DMD: variants seen among roughly 807,000 people sequenced by gnomAD.
DMD encodes the protein dystrophin.
A neutral mutation model predicts 330.1 loss-of-function variants in DMD; 63 were observed. That is an observed-to-expected ratio of 0.19 (90% CI 0.16 to 0.24). DMD has a LOEUF of 0.24. Among genes scored for constraint, DMD ranks in the 10% least tolerant of loss-of-function variants. The pLI, the probability that DMD is intolerant of heterozygous loss-of-function variation, is 1.00. For missense variants in DMD, 3,344 were observed against 2,684.1 expected, an observed-to-expected ratio of 1.25 and a Z score of -5.43; for synonymous variants, 1,223 against 959.8, an observed-to-expected ratio of 1.27 and a Z score of -5.07.
At chrX:31,158,509 G>A (rs2038423984) in intron 74 of DMD, among the ~76,000 whole-genome samples, 1 of 110,978 alleles carries the variant, frequency 9.0e-6, no homozygotes, top group African/African-American at 3.3e-5. Context: ...TTCTTTTGGG[G>A]GGTGATAAAA....
At chrX:31,233,961 G>A (rs959475629) in intron 63 of DMD, among the ~76,000 whole-genome samples, 1 of 111,645 alleles carries the variant, frequency 9.0e-6, no homozygotes, top group African/African-American at 3.3e-5. Flanking sequence ...TGAATGATAC[G>A]CCATTAGTTA....
At chrX:33,219,166 A>G (rs1042982330) in intron 1 of DMD, among the ~76,000 whole-genome samples, 1 of 109,918 alleles carries the variant, frequency 9.1e-6, no homozygotes, top group African/African-American at 3.3e-5. Flanking sequence ...CAGACTCTGG[A>G]TCTTATTTAA....
chrX:32,088,211 C>T (rs1385807694), intron 44 of DMD, among the ~76,000 whole-genome samples: 2 of 111,839 alleles, frequency 1.8e-5, no homozygotes, highest in Non-Finnish European at 3.8e-5. Flanking sequence ...GAGCTTTATG[C>T]ATATCAGGCA....
At chrX:31,181,410 C>G (rs1228704908) in intron 68 of DMD, among the ~76,000 whole-genome samples, 1 of 111,305 alleles carries the variant, frequency 9.0e-6, no homozygotes, top group Non-Finnish European at 1.9e-5. Flanking sequence ...AGTGCTCTTT[C>G]AGATCCTCCA....
chrX:33,101,162 A>T (rs1486654931), intron 1 of DMD, among the ~76,000 whole-genome samples: 1 of 112,519 alleles, frequency 8.9e-6, no homozygotes, highest in Non-Finnish European at 1.9e-5. Context: ...TCCTAAGCAT[A>T]TTAAAGAGGC....
At chrX:33,159,954 T>C (rs2048694030) in intron 1 of DMD, among the ~76,000 whole-genome samples, 1 of 111,686 alleles carries the variant, frequency 9.0e-6, no homozygotes, top group African/African-American at 3.3e-5. Flanking sequence ...CAATCCCCGA[T>C]TTACAATGGT....
At chrX:31,123,999 T>C (rs1343201304) in intron 78 of DMD, among the ~76,000 whole-genome samples, 1 of 112,024 alleles carries the variant, frequency 8.9e-6, no homozygotes, top group East Asian at 2.8e-4. Flanking sequence ...GAAATGGTGT[T>C]CAGTTACTAA....
chrX:31,833,877 C>G (rs1293058565), intron 49 of DMD, among the ~76,000 whole-genome samples: 1 of 111,477 alleles, frequency 9.0e-6, no homozygotes, highest in Non-Finnish European at 1.9e-5. Flanking sequence ...AATACTAGAT[C>G]TTGCATATAC....
intron 23 of DMD, among the ~76,000 whole-genome samples, chrX:32,467,759 A>G (rs2040193267): frequency 9.2e-6 from 1 of 109,136 alleles, no homozygotes; most frequent in Non-Finnish European, 1.9e-5. Flanking sequence ...CAAAACAGAC[A>G]CAGTTCTGCT....
intron 48 of DMD, among the ~76,000 whole-genome samples, chrX:31,854,035 G>C (rs528613958): frequency 9.0e-6 from 1 of 111,728 alleles, no homozygotes; most frequent in Non-Finnish European, 1.9e-5. Flanking sequence ...AGATTGCTAC[G>C]CATACTCATC....
chrX:32,775,408 C>G (rs1430876073), intron 7 of DMD, among the ~76,000 whole-genome samples: 1 of 112,830 alleles, frequency 8.9e-6, no homozygotes, highest in Non-Finnish European at 1.9e-5. Flanking sequence ...TCCATGAGGA[C>G]TCCGCCCCTG....
chrX:32,612,379 C>T (rs1220243573), intron 12 of DMD, among the ~76,000 whole-genome samples: 8 of 111,814 alleles, frequency 7.2e-5, no homozygotes, highest in Non-Finnish European at 1.3e-4. Context: ...CAACCTTGTC[C>T]AATCCATGAC....
At chrX:32,520,731 C>G (rs938676951) in intron 17 of DMD, among the ~76,000 whole-genome samples, 1 of 111,533 alleles carries the variant, frequency 9.0e-6, no homozygotes, top group African/African-American at 3.3e-5. Flanking sequence ...TTCCTGGGAT[C>G]ACTTTCCAAA....
chrX:31,494,050 G>A (rs983174424), intron 57 of DMD, among the ~76,000 whole-genome samples: 136 of 108,418 alleles, frequency 1.3e-3, no homozygotes, highest in African/African-American at 4.2e-3. Context: ...CCAGCTACTC[G>A]GGAGGCTGAG....
In DMD at chrX:31,511,336, A is replaced by ATTTATTTATTTATTTAT. The variant is rs575874863; in HGVS notation, c.8218-3884_8218-3883insATAAATAAATAAATAAA. 7.5e-3 allele frequency among the ~76,000 whole-genome samples: 720 copies of ATTTATTTATTTATTTAT among 95,748 alleles called. 10 individuals are homozygous for ATTTATTTATTTATTTAT. The highest frequency in any genetic ancestry group is 0.016 in the Middle Eastern group (3 of 184). The allele number at this position is 95,748 out of a possible 115,157, so 83.1% of individuals were successfully genotyped here. A position where few individuals can be genotyped will look rare whatever the true frequency, so the allele number is the denominator to read the frequency against. On this transcript the variant is annotated intron_variant, in intron 55 of 78. Coordinates refer to ENST00000357033, the MANE Select transcript of DMD (RefSeq NM_004006.3). ...TTTTTATTTATTTATTTATTTATTT[A>ATTTATTTATTTATTTAT]TTATTATTATTATACTTTAAATTTT...
At chrX:33,298,598 T>C (rs1476979076) in intron 1 of DMD, among the ~76,000 whole-genome samples, 1 of 111,771 alleles carries the variant, frequency 8.9e-6, no homozygotes, top group Non-Finnish European at 1.9e-5. Context: ...GGAAAATCTT[T>C]AGTAATAACA....
At chrX:32,363,643 A>T (rs1010853140) in intron 36 of DMD, among the ~76,000 whole-genome samples, 4 of 111,964 alleles carry the variant, frequency 3.6e-5, no homozygotes, top group Admixed American at 2.8e-4. Context: ...CACAATACAG[A>T]TCCACATCAA....
intron 2 of DMD, among the ~76,000 whole-genome samples, chrX:32,932,368 C>T (rs1013625520): frequency 8.9e-6 from 1 of 111,875 alleles, no homozygotes; most frequent in Non-Finnish European, 1.9e-5. Flanking sequence ...CGATGTGTGT[C>T]ATATTATATA....
intron 2 of DMD, among the ~76,000 whole-genome samples, chrX:32,875,980 T>G (rs2083345930): frequency 8.9e-6 from 1 of 111,908 alleles, no homozygotes; most frequent in South Asian, 3.7e-4. Flanking sequence ...TTTTCTTTAG[T>G]TGTGGTATCT....
Sources: gnomAD v4.1 joint callset for allele counts (sites outside exome capture counted in the v4.1 genomes callset) on GRCh38, gnomAD v4.1.1 for gene constraint, MANE v1.5 for transcripts, NCBI Gene and HGNC (gene_info 2026-07-23, HGNC 2026-07-21) for gene names.